Variants in ERBB2 observed in about 807,000 individuals in gnomAD.
ERBB2 encodes the protein receptor tyrosine-protein kinase erbB-2.
Under a neutral mutation model 149.0 loss-of-function variants are expected in ERBB2, and 61 were observed. That is an observed-to-expected ratio of 0.41 (90% CI 0.33 to 0.51). The LOEUF (loss-of-function observed/expected upper bound fraction) is 0.51. Among genes scored for constraint, ERBB2 ranks in the 20% least tolerant of loss-of-function variants. The probability of loss-of-function intolerance (pLI) is 0.25; values close to 1 mark genes in which losing one functional copy is unlikely to be tolerated. For missense variants in ERBB2, 1,205 were observed against 1,655.1 expected (o/e 0.73, Z 4.72); for synonymous variants, 633 against 678.8 (o/e 0.93, Z 1.05).
In ERBB2 at chr17:39,717,336, T is replaced by A. The variant is rs1287673125; in HGVS notation, c.1754T>A (p.Val585Glu). The A allele has an allele frequency of 6.2e-6, 10 of 1,611,916 alleles. No homozygotes were observed. The highest frequency in any genetic ancestry group is 7.6e-6 in the Non-Finnish European group (9 of 1,179,718). The stretch of plus-strand genomic sequence containing the variant: ...CCCCCCCAGGAGGCTGACCAGTGTG[T>A]GGCCTGTGCCCACTATAAGGACCCT... ...TCFGPEADQC[V>E]ACAHYKDPPF... The change falls in exon 15 of 27, where the codon GTG becomes GAG. Residue 585 changes from valine (V) to glutamate (E), a missense_variant. By Grantham distance (121) the Val-to-Glu change is moderately radical (BLOSUM62 -2). Around this residue, in one of 6 missense-constraint regions of ERBB2, gnomAD observed 569 missense variants for 803.5 expected, o/e 0.71. Transcript: ENST00000269571.
At position 39,700,864 on chromosome 17, in the gene ERBB2, C is replaced by G. The variant is rs7216731; in HGVS notation, c.73+553C>G. On this transcript the variant is annotated intron_variant, in intron 1 of 26. Coordinates refer to ENST00000269571, the MANE Select transcript of ERBB2 (RefSeq NM_004448.4). ...AGTGGAGGGTGGCATAGCAACCTGTCCCAACCAGAGCCGGGGAGGAAAGGG... is the reference window on the plus strand; with the variant it reads ...AGTGGAGGGTGGCATAGCAACCTGTGCCAACCAGAGCCGGGGAGGAAAGGG... Among the ~76,000 whole-genome samples the G allele has an allele frequency of 4.4e-3, 669 of 152,060 alleles. 3 individuals carry two copies. Among genetic ancestry groups the G allele is most frequent in the African/African-American group, 0.015 (635 of 41,458 alleles).
chr17:39,688,133 A>C lies in ERBB2; in HGVS notation c.-527A>C, dbSNP rs1409953700. ...TCTCCGCTGAAGTCCACACAGTTTA[A>C]ATTAAAGTTCCCGGATTTTTGTGGG... On this transcript the variant is annotated 5_prime_UTR_variant, in exon 1 of 18. Transcript: ENST00000578199. 4.0e-6 allele frequency: 4 copies of C among 1,008,356 alleles called. No homozygotes were observed. In the Admixed American group the frequency reaches 1.3e-4, roughly 32 times the overall value. 62.5% of individuals were successfully genotyped at this position (1,008,356 alleles called of 1,614,324 possible). A position where few individuals can be genotyped will look rare whatever the true frequency, so the allele number is the denominator to read the frequency against.
In ERBB2 at chr17:39,723,730, G is replaced by T. The variant is rs1005023692; in HGVS notation, c.2208+70G>T. The T allele has an allele frequency of 6.4e-6, 10 of 1,558,118 alleles. No homozygotes were observed. The Admixed American group carries it at 1.2e-4, about 18-fold the overall frequency. On this transcript the variant is annotated intron_variant, in intron 18 of 26. Transcript: ENST00000269571. The surrounding 1 kb of genome is among the most constrained non-coding windows in gnomAD (Gnocchi z 6.2). ...GGTGCCTGGAGGGGTGTGGTCGGCA[G>T]TTCTGATGGGAGGGGCAAGAGCTGG... is the stretch of plus-strand genomic sequence containing the variant.
At chr17:39,722,491 G>T (rs1341364572) in intron 16 of ERBB2, among the ~76,000 whole-genome samples, 1 of 151,980 alleles carries the variant, frequency 6.6e-6, no homozygotes, top group Non-Finnish European at 1.5e-5. Flanking sequence ...ACACAGCAAG[G>T]CCCTGTCTCA....
intron 1 of ERBB2, among the ~76,000 whole-genome samples, chr17:39,701,636 A>G (rs1318413478): frequency 6.6e-6 from 1 of 152,122 alleles, no homozygotes; most frequent in African/African-American, 2.4e-5. Flanking sequence ...GGTCTACGCC[A>G]GGGTGTTCCT....
chr17:39,725,039 C>A lies in ERBB2; in HGVS notation c.2494-10C>A, dbSNP rs2145861593. ...TCCCAGAAGGTCTACATGGGTGCTTCCCATTCCAGGGGATGAGCTACCTGG... is the reference window on the plus strand; with the variant it reads ...TCCCAGAAGGTCTACATGGGTGCTTACCATTCCAGGGGATGAGCTACCTGG... On this transcript the variant is annotated splice_polypyrimidine_tract_variant and intron_variant, in intron 20 of 26. Transcript: ENST00000269571. The surrounding 1 kb of genome is among the most constrained non-coding windows in gnomAD (Gnocchi z 4.6). 1.9e-6 allele frequency: 3 copies of A among 1,614,106 alleles called. No homozygotes were observed. The highest frequency in any genetic ancestry group is 2.5e-6 in the Non-Finnish European group (3 of 1,180,012).
At chr17:39,715,578 A>G (rs746082108) in intron 11 of ERBB2, 42 bp downstream of exon 11, 1 of 1,587,716 alleles carries the variant, frequency 6.3e-7, no homozygotes, top group Non-Finnish European at 8.6e-7. Flanking sequence ...GAGGAGTCCC[A>G]GGGAGGAGTC....
Position 39,723,259 on chromosome 17 carries a change from C to T in ERBB2, c.1947-60C>T. The T allele has an allele frequency of 6.4e-7, 1 of 1,560,328 alleles. No homozygotes were observed. The highest frequency in any genetic ancestry group is 8.8e-7 in the Non-Finnish European group (1 of 1,137,330). ...AACACCTTCATGTCCCCCGTGGGCCCCCTTTGTCCCTCCCACCCCAAACTA... is the reference window on the plus strand; with the variant it reads ...AACACCTTCATGTCCCCCGTGGGCCTCCTTTGTCCCTCCCACCCCAAACTA... On this transcript the variant is annotated intron_variant, in intron 16 of 26. Coordinates refer to ENST00000269571, the MANE Select transcript of ERBB2 (RefSeq NM_004448.4). This position sits in a 1 kb window ranked among gnomAD's most constrained non-coding sequence, Gnocchi z 6.2.
intron 16 of ERBB2, chr17:39,720,153 A>C (rs1258457637): frequency 1.9e-5 from 6 of 322,916 alleles, no homozygotes. Flanking sequence ...CAGCTGCAGC[A>C]CTGAGGGAGT....
chr17:39,724,936 T>G (rs2145855762), intron 20 of ERBB2, 25 bp downstream of exon 20: 1 of 1,611,508 alleles, frequency 6.2e-7, no homozygotes, highest in Non-Finnish European at 8.5e-7. Flanking sequence ...TCTTTGCAGG[T>G]CTCTCCGGAG....
In ERBB2 at chr17:39,709,929, G is replaced by C. The variant is rs150391819; in HGVS notation, c.643+48G>C. Reference sequence around the variant, plus strand: ...GTCAGGGAAGGGGAGGGCTGGGGCCGGGTGGAATGCAGGTGTCATACAGGT... The same window carrying C: ...GTCAGGGAAGGGGAGGGCTGGGGCCCGGTGGAATGCAGGTGTCATACAGGT... On this transcript the variant is annotated intron_variant, in intron 5 of 26. Coordinates refer to ENST00000269571, the MANE Select transcript of ERBB2 (RefSeq NM_004448.4). The C allele has an allele frequency of 1.0e-5, 16 of 1,578,976 alleles. No individual in the cohort carries two copies. The African/African-American group carries it at 2.0e-4, about 20-fold the overall frequency.
chr17:39,720,493 T>C (rs752245852), intron 16 of ERBB2, among the ~76,000 whole-genome samples: 9 of 152,002 alleles, frequency 5.9e-5, no homozygotes, highest in Non-Finnish European at 1.3e-4. Context: ...AAAAACAGAC[T>C]GGAGTCTGTC....
At position 39,714,918 on chromosome 17, in the gene ERBB2, C is replaced by T. The variant is rs1355475112; in HGVS notation, c.1149-368C>T. Among the ~76,000 whole-genome samples the T allele has an allele frequency of 4.6e-5, 7 of 151,620 alleles. No homozygotes were observed. In the South Asian group the frequency reaches 6.2e-4, roughly 14 times the overall value. ...TCGAGTAACTGGGACTATAGGCGCG[C>T]GGCACCACACCCAGCTAATTTTTGT... On this transcript the variant is annotated intron_variant, in intron 9 of 26. Coordinates refer to ENST00000269571, the MANE Select transcript of ERBB2 (RefSeq NM_004448.4).
At chr17:39,689,471 T>A (rs558903711) in intron 2 of ERBB2, among the ~76,000 whole-genome samples, 46 of 150,466 alleles carry the variant, frequency 3.1e-4, no homozygotes, top group Non-Finnish European at 5.8e-4. Context: ...TACAATACTG[T>A]TTTTTTTTCT....
intron 1 of ERBB2, among the ~76,000 whole-genome samples, chr17:39,702,667 G>A (rs949768770): frequency 2.6e-5 from 4 of 152,186 alleles, no homozygotes; most frequent in African/African-American, 4.8e-5. Context: ...TAATTTTCTC[G>A]TGGTTTGGGA....
chr17:39,699,460 TAAAAA>T, upstream of ERBB2: 1 of 1,092,936 alleles, frequency 9.1e-7, no homozygotes, highest in Non-Finnish European at 1.3e-6. Flanking sequence ...AAAGTTCGTT[TAAAAA>T]AAAAAAAAAG....
chr17:39,712,503 A>T (rs2145583012), intron 9 of ERBB2, 55 bp downstream of exon 9: 1 of 1,593,370 alleles, frequency 6.3e-7, no homozygotes, highest in Non-Finnish European at 8.6e-7. Flanking sequence ...AGTCCTGAGG[A>T]TCCAGATGTG....
At chr17:39,693,883 G>A (rs1356429843), upstream of ERBB2, among the ~76,000 whole-genome samples, 3 of 150,588 alleles carry the variant, frequency 2.0e-5, no homozygotes, top group African/African-American at 7.3e-5. Context: ...GAGGTCAGGA[G>A]TCTCAATTAA....
At chr17:39,706,661 CT>C (rs2058457235) in intron 1 of ERBB2, 2 of 236,122 alleles carry the variant, frequency 8.5e-6, no homozygotes, top group Non-Finnish European at 1.6e-5. Flanking sequence ...TGAGTTGTGC[CT>C]TTGGGACAAA....
Sources: allele counts gnomAD v4.1 joint callset (sites outside exome capture counted in the v4.1 genomes callset), GRCh38; gene constraint gnomAD v4.1.1; regional missense constraint gnomAD v4.1.1; non-coding constraint Gnocchi (gnomAD v3.1); transcripts MANE v1.5; gene names NCBI Gene and HGNC (gene_info 2026-07-23, HGNC 2026-07-21).